Variants in LGR5 observed in about 807,000 individuals in gnomAD.
LGR5 encodes leucine rich repeat containing G protein-coupled receptor 5, also known as leucine-rich repeat-containing G protein-coupled receptor 5.
Under a neutral mutation model 76.7 loss-of-function variants are expected in LGR5, and 54 were observed. That is an observed-to-expected ratio of 0.70 (90% CI 0.57 to 0.88). The LOEUF (loss-of-function observed/expected upper bound fraction) is 0.88. LGR5 is among the 40% of genes least tolerant of loss of function. LGR5 has a pLI of 0.00. For synonymous variants in LGR5, 406 were observed against 421.9 expected, an observed-to-expected ratio of 0.96 and a Z score of 0.46; for missense variants, 1,078 against 1,073.3, an observed-to-expected ratio of 1.00 and a Z score of -0.06.
intron 11 of LGR5, among the ~76,000 whole-genome samples, chr12:71,570,924 T>C (rs924747531): frequency 6.6e-6 from 1 of 152,246 alleles, no homozygotes; most frequent in Admixed American, 6.5e-5. Context: ...TTCTTTTCTT[T>C]CAAGCTTTCG....
At chr12:71,512,150 C>A (rs572565595) in intron 2 of LGR5, among the ~76,000 whole-genome samples, 1 of 152,278 alleles carries the variant, frequency 6.6e-6, no homozygotes, top group Non-Finnish European at 1.5e-5. Context: ...CGCCATCATG[C>A]CCAGCTAATT....
chr12:71,497,827 A>G (rs1048072471), intron 1 of LGR5, among the ~76,000 whole-genome samples: 7 of 152,224 alleles, frequency 4.6e-5, no homozygotes. Flanking sequence ...GATTAAAGAA[A>G]GAGCATCAAT....
intron 1 of LGR5, among the ~76,000 whole-genome samples, chr12:71,477,299 C>A (rs1210412505): frequency 1.3e-5 from 2 of 152,114 alleles, no homozygotes; most frequent in African/African-American, 4.8e-5. Flanking sequence ...CCCTGAGACT[C>A]CACACTAAAC....
At chr12:71,548,951 A>G (rs1877337750) in intron 4 of LGR5, among the ~76,000 whole-genome samples, 1 of 152,228 alleles carries the variant, frequency 6.6e-6, no homozygotes, top group Non-Finnish European at 1.5e-5. Flanking sequence ...TCTATTATGG[A>G]ACCATATTTT....
At chr12:71,494,839 G>C (rs1163078167) in intron 1 of LGR5, among the ~76,000 whole-genome samples, 1 of 151,110 alleles carries the variant, frequency 6.6e-6, no homozygotes, top group Non-Finnish European at 1.5e-5. Context: ...CACTAGACTG[G>C]ACCTAGTCTA....
chr12:71,518,081 G>A (rs1409226272), intron 2 of LGR5, among the ~76,000 whole-genome samples: 1 of 151,974 alleles, frequency 6.6e-6, no homozygotes, highest in Non-Finnish European at 1.5e-5. Context: ...CCCTTTAAAA[G>A]GGTCCCATTG....
intron 4 of LGR5, among the ~76,000 whole-genome samples, chr12:71,543,948 A>C (rs1877010648): frequency 6.6e-6 from 1 of 152,242 alleles, no homozygotes; most frequent in African/African-American, 2.4e-5. Context: ...TTCGTTTTCT[A>C]TGAAGAAAAA....
intron 1 of LGR5, among the ~76,000 whole-genome samples, chr12:71,475,161 T>C (rs770409070): frequency 6.6e-6 from 1 of 152,160 alleles, no homozygotes; most frequent in Non-Finnish European, 1.5e-5. Context: ...GTGTGAAGAA[T>C]TGTTCTAATT....
chr12:71,556,888 T>A (rs1174769602), intron 6 of LGR5, among the ~76,000 whole-genome samples, 198 bp downstream of exon 6: 1 of 152,220 alleles, frequency 6.6e-6, no homozygotes, highest in African/African-American at 2.4e-5. Context: ...TTTAATCTAA[T>A]GAGAGTGATA....
chr12:71,466,762 G>A (rs917548457), intron 1 of LGR5, among the ~76,000 whole-genome samples: 1 of 151,970 alleles, frequency 6.6e-6, no homozygotes, highest in Non-Finnish European at 1.5e-5. Context: ...TCTAAGGTCT[G>A]GTTGTCATTT....
At chr12:71,565,237 T>G (rs755051201) in intron 8 of LGR5, among the ~76,000 whole-genome samples, 108 of 151,938 alleles carry the variant, frequency 7.1e-4, no homozygotes, top group Non-Finnish European at 1.1e-3. Flanking sequence ...ATGCATTAGC[T>G]CTTTTAATTC....
At chr12:71,533,359 ATAATTAAATAAC>A (rs1281924136) in intron 3 of LGR5, among the ~76,000 whole-genome samples, 2 of 152,162 alleles carry the variant, frequency 1.3e-5, no homozygotes, top group African/African-American at 2.4e-5. Flanking sequence ...AAATAAATAA[ATAATTAAATAAC>A]TAAATACATA....
At chr12:71,495,663 A>G (rs536205431) in intron 1 of LGR5, among the ~76,000 whole-genome samples, 6 of 151,420 alleles carry the variant, frequency 4.0e-5, no homozygotes, top group Admixed American at 2.6e-4. Flanking sequence ...CAAAGATGTT[A>G]AATAACTTCC....
intron 1 of LGR5, among the ~76,000 whole-genome samples, chr12:71,464,319 A>AGGAG (rs1022914953): frequency 2.0e-5 from 3 of 152,162 alleles, no homozygotes; most frequent in Admixed American, 1.3e-4. Flanking sequence ...AAAGGAGGAT[A>AGGAG]GGAGGGAGGG....
intron 2 of LGR5, among the ~76,000 whole-genome samples, chr12:71,522,185 T>G (rs888780574): frequency 6.6e-6 from 1 of 152,208 alleles, no homozygotes; most frequent in Non-Finnish European, 1.5e-5. Flanking sequence ...TGAGGACTTT[T>G]CATTTCTATT....
At chr12:71,516,198 A>C (rs1875425911) in intron 2 of LGR5, among the ~76,000 whole-genome samples, 2 of 152,194 alleles carry the variant, frequency 1.3e-5, no homozygotes, top group Non-Finnish European at 2.9e-5. Context: ...AAAGACCTTC[A>C]TGAAAGAACC....
intron 1 of LGR5, among the ~76,000 whole-genome samples, chr12:71,495,047 G>A (rs4460909): frequency 0.82 from 123,146 of 150,640 alleles, 50,959 homozygotes; most frequent in African/African-American, 0.93. Context: ...TGATACACCC[G>A]GTGGCATGGC....
intron 7 of LGR5, among the ~76,000 whole-genome samples, chr12:71,559,876 A>G (rs142958285): frequency 3.3e-5 from 5 of 152,344 alleles, no homozygotes; most frequent in Middle Eastern, 6.8e-3. Flanking sequence ...TATATTAAAA[A>G]AACATATATT....
chr12:71,516,630 A>C (rs961248608), intron 2 of LGR5, among the ~76,000 whole-genome samples: 6 of 152,242 alleles, frequency 3.9e-5, no homozygotes, highest in African/African-American at 1.2e-4. Flanking sequence ...ACAAAATATA[A>C]AATAAAATCT....
Sources: allele counts gnomAD v4.1 joint callset (sites outside exome capture counted in the v4.1 genomes callset), GRCh38; gene constraint gnomAD v4.1.1; transcripts MANE v1.5; gene names NCBI Gene and HGNC (gene_info 2026-07-23, HGNC 2026-07-21).